The following CACNA1B variants were observed in gnomAD, a reference collection of about 807,000 sequenced individuals.
CACNA1B encodes the protein voltage-dependent N-type calcium channel subunit alpha-1B.
Under a neutral mutation model 247.2 loss-of-function variants are expected in CACNA1B, and 70 were observed. The observed-to-expected ratio is 0.28, with a 90% CI of 0.23 to 0.35. The LOEUF (loss-of-function observed/expected upper bound fraction) is 0.35, where lower values mean the gene tolerates loss of function less well. Ranked by LOEUF, CACNA1B falls within the 10% of genes least tolerant of loss-of-function variation. CACNA1B has a pLI of 1.00. For missense variants in CACNA1B, 2,367 were observed against 3,197.4 expected (o/e 0.74, Z 6.26); for synonymous variants, 1,231 against 1,294.4 (o/e 0.95, Z 1.05).
In CACNA1B at chr9:137,914,902, G is replaced by A; in HGVS notation, c.775+96G>A. 7.3e-7 allele frequency: 1 copy of A among 1,368,182 alleles called. No individual in the cohort carries two copies. The allele number at this position is 1,368,182 out of a possible 1,614,324, so 84.8% of individuals were successfully genotyped here. ...TCTAGGTGCTAGAGGGGCCTTCTTG[G>A]TGCCAGATACATGAGGTGGAGCTGA... On this transcript the variant is annotated intron_variant, in intron 5 of 46. Transcript: ENST00000371372. This position sits in a 1 kb window ranked among gnomAD's most constrained non-coding sequence, Gnocchi z 4.3.
At chr9:138,060,114 CCCCA>C (rs552803421) in intron 31 of CACNA1B, among the ~76,000 whole-genome samples, 81 of 152,016 alleles carry the variant, frequency 5.3e-4, no homozygotes, top group Non-Finnish European at 6.6e-4. Context: ...AAATATTGCC[CCCCA>C]CCGTCTCTCT....
chr9:138,120,648 G>T lies in CACNA1B; in HGVS notation c.6256G>T (p.Gly2086Trp). 1 of 1,503,274 alleles carries T rather than the reference G, an allele frequency of 6.7e-7. No individual in the cohort carries two copies. The highest frequency in any genetic ancestry group is 2.6e-5 in the Admixed American group (1 of 38,052). 93.1% of individuals were successfully genotyped at this position (1,503,274 alleles called of 1,614,324 possible). ...CTGGCCAGCACCAAGCAGTGCTGTG[G>T]GGCCGGGGCTGCCCCCGGGAGAGGG... Reference protein sequence around the residue: ...DMDGAPSSAVGPGLPPGEGPT... With the variant: ...DMDGAPSSAVWPGLPPGEGPT... The change falls in exon 46 of 47, where the codon GGG becomes TGG. Residue 2086 changes from glycine (G) to tryptophan (W), a missense_variant. Gly to Trp is a radical substitution (Grantham distance 184). This residue lies in a region of CACNA1B where 773 missense variants were observed against 779.4 expected (regional missense o/e 0.99). Transcript: ENST00000371372.
intron 42 of CACNA1B, among the ~76,000 whole-genome samples, chr9:138,115,966 C>G (rs1961839069): frequency 6.6e-6 from 1 of 152,222 alleles, no homozygotes; most frequent in Admixed American, 6.5e-5. Flanking sequence ...AAGGGCTCTT[C>G]CTTTGCTGGG....
chr9:137,983,878 G>A (rs1339369696), intron 12 of CACNA1B, among the ~76,000 whole-genome samples: 1 of 121,008 alleles, frequency 8.3e-6, no homozygotes, highest in East Asian at 3.0e-4. Context: ...CATGTCCTGT[G>A]TCCTCCTGGT....
At chr9:138,067,527 C>T (rs551861519) in intron 31 of CACNA1B, among the ~76,000 whole-genome samples, 16 of 152,300 alleles carry the variant, frequency 1.1e-4, no homozygotes, top group Admixed American at 3.3e-4. Flanking sequence ...TGTGAAGCCC[C>T]GTCTTTACTA....
chr9:138,017,106 C>T (rs146187189), intron 18 of CACNA1B: 52 of 518,404 alleles, frequency 1.0e-4, no homozygotes, highest in Non-Finnish European at 1.4e-4. Context: ...CTGGTTTTCT[C>T]ACTTCTGTCT....
At chr9:138,114,327 G>A (rs954556854) in intron 40 of CACNA1B, 51 bp from the exon 41 acceptor site, 15 of 917,104 alleles carry the variant, frequency 1.6e-5, no homozygotes, top group African/African-American at 3.2e-5. Flanking sequence ...CCTTGTTTCC[G>A]TGGATCCTCT....
intron 31 of CACNA1B, among the ~76,000 whole-genome samples, chr9:138,062,889 G>A (rs1294149966): frequency 2.6e-5 from 4 of 152,188 alleles, no homozygotes; most frequent in Admixed American, 1.3e-4. Context: ...TTTCCTAAGT[G>A]GCCTATGCCA....
intron 3 of CACNA1B, among the ~76,000 whole-genome samples, chr9:137,893,641 ACT>A (rs1242172304): frequency 6.6e-6 from 1 of 150,776 alleles, no homozygotes; most frequent in Non-Finnish European, 1.5e-5. Context: ...ACAGAGTGAG[ACT>A]CTGTCTCAAA....
rs144494753 is a variant in CACNA1B at position 137,939,888 on chromosome 9, C to T, written c.967-12386C>T. Among the ~76,000 whole-genome samples, 268 of 151,100 alleles carry T rather than the reference C, an allele frequency of 1.8e-3. 4 individuals are homozygous for T. In the East Asian group the frequency reaches 0.029, roughly 16 times the overall value. ...TCTTCGAACTGAATGACAGTAGTGA[C>T]GCAACCTACCAAAACCTCTGGAATA... On this transcript the variant is annotated intron_variant, in intron 6 of 46. Coordinates refer to ENST00000371372, the MANE Select transcript of CACNA1B (RefSeq NM_000718.4).
Position 137,952,266 on chromosome 9 carries a change from G to A in CACNA1B, c.967-8G>A, listed in dbSNP as rs78177919. ...TGTCCTTCCTCATCTCCCTCTCCTT[G>A]CTTCCAGACAAACGATGCGGCCGGC... On this transcript the variant is annotated splice_region_variant and splice_polypyrimidine_tract_variant and intron_variant, in intron 6 of 46. Coordinates refer to ENST00000371372, the MANE Select transcript of CACNA1B (RefSeq NM_000718.4). The surrounding 1 kb of genome is among the most constrained non-coding windows in gnomAD (Gnocchi z 4.8). The A allele has an allele frequency of 4.0e-3, 6,369 of 1,612,182 alleles. 18 individuals carry two copies. Among genetic ancestry groups the A allele is most frequent in the Middle Eastern group, 5.6e-3 (34 of 6,054 alleles).
Position 137,943,479 on chromosome 9 carries a change from C to A in CACNA1B, c.967-8795C>A, listed in dbSNP as rs1957756715. Among the ~76,000 whole-genome samples the A allele has an allele frequency of 1.3e-5, 2 of 151,974 alleles. 1 individual carries two copies. The highest frequency in any genetic ancestry group is 4.2e-4 in the South Asian group (2 of 4,814). On this transcript the variant is annotated intron_variant, in intron 6 of 46. Transcript: ENST00000371372. ...GGTAACCCAAACTCGGGAAATAGTT[C>A]TTTGAAGAACCTTCACAACTTCATT... is the stretch of plus-strand genomic sequence containing the variant.
chr9:138,114,115 G>C (rs1300900906), intron 40 of CACNA1B, among the ~76,000 whole-genome samples: 1 of 152,198 alleles, frequency 6.6e-6, no homozygotes, highest in African/African-American at 2.4e-5. Flanking sequence ...GGTGGGGATG[G>C]CCTCAGCCCG....
chr9:137,935,830 A>G (rs1239619937), intron 6 of CACNA1B, among the ~76,000 whole-genome samples: 1 of 151,742 alleles, frequency 6.6e-6, no homozygotes, highest in Non-Finnish European at 1.5e-5. Context: ...GCTGGAGTAC[A>G]GTGGCATGAT....
chr9:138,103,281 G>A (rs775483130), intron 38 of CACNA1B, among the ~76,000 whole-genome samples: 1 of 152,166 alleles, frequency 6.6e-6, no homozygotes. Context: ...TGGTGCTTCT[G>A]TACAACCCCC....
At chr9:138,015,241 C>T (rs1958776606) in intron 18 of CACNA1B, among the ~76,000 whole-genome samples, 1 of 152,140 alleles carries the variant, frequency 6.6e-6, no homozygotes, top group Non-Finnish European at 1.5e-5. Context: ...CAGCTGTGGG[C>T]CCTCATCCTC....
chr9:137,903,644 A>G (rs1482387623), intron 3 of CACNA1B, among the ~76,000 whole-genome samples: 3 of 152,190 alleles, frequency 2.0e-5, no homozygotes, highest in Non-Finnish European at 2.9e-5. Context: ...ATTTTGATTT[A>G]TCAGAATCTA....
Position 138,078,195 on chromosome 9 carries a change from C to T in CACNA1B, c.5031C>T (p.Thr1677=), listed in dbSNP as rs200959091. 2,611 of 1,613,926 alleles carry T rather than the reference C, an allele frequency of 1.6e-3. 10 individuals are homozygous for T. The highest frequency in any genetic ancestry group is 6.3e-3 in the South Asian group (572 of 91,084). The change falls in exon 36 of 47, where the codon ACC becomes ACT. Residue 1677 remains threonine (T), a synonymous_variant. Coordinates refer to ENST00000371372, the MANE Select transcript of CACNA1B (RefSeq NM_000718.4). ...NQACDEQANA[T]ECGSDFAYFY... Reference sequence around the variant, plus strand: ...CCTGTGATGAGCAGGCCAATGCCACCGAGTGTGGAAGTGACTTTGCCTACT... The same window carrying T: ...CCTGTGATGAGCAGGCCAATGCCACTGAGTGTGGAAGTGACTTTGCCTACT...
At chr9:137,937,346 C>G (rs565881647) in intron 6 of CACNA1B, among the ~76,000 whole-genome samples, 1 of 151,646 alleles carries the variant, frequency 6.6e-6, no homozygotes, top group African/African-American at 2.4e-5. Context: ...CTTCAGAGCT[C>G]GAAGACAAGG....
Sources: gnomAD v4.1 joint callset for allele counts (sites outside exome capture counted in the v4.1 genomes callset) on GRCh38, gnomAD v4.1.1 for gene constraint, gnomAD v4.1.1 regional missense constraint, Gnocchi (gnomAD v3.1) non-coding constraint, MANE v1.5 for transcripts, NCBI Gene and HGNC (gene_info 2026-07-23, HGNC 2026-07-21) for gene names.